The following CHAF1A variants were observed in gnomAD, a reference collection of about 807,000 sequenced individuals.
CHAF1A encodes the protein chromatin assembly factor 1 subunit A.
A neutral mutation model predicts 93.2 loss-of-function variants in CHAF1A; 5 were observed. The ratio of observed to expected loss-of-function variants is 0.05; its 90% CI spans 0.03 to 0.11. The LOEUF (loss-of-function observed/expected upper bound fraction) is 0.11. CHAF1A is among the 10% of genes least tolerant of loss of function. The pLI is 1.00. For missense variants in CHAF1A, 1,102 were observed against 1,259.9 expected (o/e 0.87, Z 1.90); for synonymous variants, 504 against 510.3 (o/e 0.99, Z 0.17).
Position 4,429,713 on chromosome 19 carries a change from C to T in CHAF1A, c.1779C>T (p.Leu593=). ...ARDPWAQDTK[L]LDYEVDSDEE... The stretch of plus-strand genomic sequence containing the variant: ...CCATGTGTTTCTTTTCTCAGAAGCT[C>T]CTGGACTATGAGGTGGACAGTGATG... Residue 593 remains leucine (L), a synonymous_variant, in exon 10 of 15, where the codon CTC becomes CTT. Transcript: ENST00000301280. 10 of 1,614,028 alleles carry T rather than the reference C, an allele frequency of 6.2e-6. No homozygotes were observed. The highest frequency in any genetic ancestry group is 8.5e-6 in the Non-Finnish European group (10 of 1,179,990).
At chr19:4,425,065 G>T (rs1244012010) in intron 7 of CHAF1A, among the ~76,000 whole-genome samples, 2 of 152,102 alleles carry the variant, frequency 1.3e-5, no homozygotes, top group Admixed American at 1.3e-4. Flanking sequence ...GTGAGTCCCT[G>T]CACCTGGCCT....
chr19:4,418,030 A>C lies in CHAF1A; in HGVS notation c.971A>C (p.Lys324Thr). ...TSTPLRRITK[K>T]FVKGSTEKNK... is the part of the protein sequence containing the mutation. The stretch of plus-strand genomic sequence containing the variant: ...GTCTTCTGTTTTCAGATAACTAAGA[A>C]ATTCGTCAAAGGCTCTACAGAGAAG... Residue 324 changes from lysine to threonine, a missense_variant, in exon 4 of 15, where the codon AAA becomes ACA. Physicochemically the swap from Lys to Thr is moderately conservative, Grantham distance 78. This residue lies in a region of CHAF1A where 379 missense variants were observed against 365.7 expected (regional missense o/e 1.04). Transcript: ENST00000301280. 4 of 1,603,340 alleles carry C rather than the reference A, an allele frequency of 2.5e-6. No individual in the cohort carries two copies. The highest frequency in any genetic ancestry group is 3.4e-6 in the Non-Finnish European group (4 of 1,175,428).
chr19:4,446,981 C>G, downstream of CHAF1A: 1 of 1,533,088 alleles, frequency 6.5e-7, no homozygotes, highest in Non-Finnish European at 9.0e-7. Context: ...TGGCCACACC[C>G]CACCCAGTCC....
At chr19:4,420,531 G>A (rs996566310) in intron 4 of CHAF1A, among the ~76,000 whole-genome samples, 2 of 152,132 alleles carry the variant, frequency 1.3e-5, no homozygotes, top group Admixed American at 6.5e-5. Flanking sequence ...GTGGGAGCCT[G>A]CGCCTGGCTG....
At chr19:4,445,932 C>T, downstream of CHAF1A, 2 of 1,470,830 alleles carry the variant, frequency 1.4e-6, no homozygotes, top group Non-Finnish European at 1.8e-6. Context: ...ACCCAGGGAC[C>T]TGCCCAGGCC....
chr19:4,417,240 G>A (rs542664242), intron 3 of CHAF1A, among the ~76,000 whole-genome samples: 5 of 152,046 alleles, frequency 3.3e-5, no homozygotes, highest in Admixed American at 2.0e-4. Context: ...CAAAGTGCTG[G>A]GATTACAGGC....
At position 4,442,231 on chromosome 19, in the gene CHAF1A, C is replaced by T. The variant is rs1568184942; in HGVS notation, c.2674-14C>T. ...TGCCTGCAGTGCTGATGGCCGTGTA[C>T]CCTGTCTGTCCAGATTGGTGCTGAA... On this transcript the variant is annotated splice_polypyrimidine_tract_variant and intron_variant, in intron 13 of 14. Transcript: ENST00000301280. 1.2e-6 allele frequency: 2 copies of T among 1,612,560 alleles called. No homozygotes were observed. The highest frequency in any genetic ancestry group is 1.7e-6 in the Non-Finnish European group (2 of 1,178,834).
At chr19:4,442,401 AACAG>A in intron 14 of CHAF1A, 60 bp downstream of exon 14, 1 of 1,363,894 alleles carries the variant, frequency 7.3e-7, no homozygotes, top group East Asian at 2.5e-5. Flanking sequence ...GGTAAACCTC[AACAG>A]AGAAGGGATG....
At position 4,443,194 on chromosome 19, in the gene CHAF1A, A is replaced by G. The variant is rs1174229328; in HGVS notation, c.*169A>G. The G allele has an allele frequency of 7.8e-6, 5 of 642,388 alleles. No homozygotes were observed. Among genetic ancestry groups the G allele is most frequent in the Non-Finnish European group, 1.4e-5 (5 of 350,048 alleles). The allele number at this position is 642,388 out of a possible 1,614,324, so 39.8% of individuals were successfully genotyped here. ...ATTAGTTCCTTTGATATTTGTAAAA[A>G]TTCCCCCAAGAGCCGCATATGAATC... On this transcript the variant is annotated 3_prime_UTR_variant, in exon 15 of 15. Transcript: ENST00000301280.
chr19:4,443,693 G>A (rs141351837), downstream of CHAF1A, among the ~76,000 whole-genome samples: 2,852 of 152,306 alleles, frequency 0.019, 35 homozygotes, highest in Middle Eastern at 0.024. Context: ...GCTGGGAGCC[G>A]AGTTTGGCTT....
At chr19:4,432,252 G>T (rs1300050651) in intron 12 of CHAF1A, 45 bp downstream of exon 12, 1 of 1,550,276 alleles carries the variant, frequency 6.5e-7, no homozygotes, top group East Asian at 2.3e-5. Flanking sequence ...CCTGGGCCCA[G>T]CTAATTCCAG....
At chr19:4,449,783 G>T (rs977889224), downstream of CHAF1A, 1 of 152,130 alleles carries the variant, frequency 6.6e-6, no homozygotes, top group African/African-American at 2.4e-5. Context: ...AAAGACAGGT[G>T]CTCTCGACAG....
chr19:4,419,637 G>A lies in CHAF1A; in HGVS notation c.1017+1561G>A, dbSNP rs954445699. ...GTAGAGACAGGGTTTCGCTATGTTT[G>A]TCAGGCTGGTCTCAAACTCCTGACT... On this transcript the variant is annotated intron_variant, in intron 4 of 14. Coordinates refer to ENST00000301280, the MANE Select transcript of CHAF1A (RefSeq NM_005483.3). Among the ~76,000 whole-genome samples, 7 of 151,920 alleles carry A rather than the reference G, an allele frequency of 4.6e-5. No individual in the cohort carries two copies. The South Asian group carries it at 8.3e-4, about 18-fold the overall frequency.
chr19:4,446,778 C>T, downstream of CHAF1A: 1 of 1,613,226 alleles, frequency 6.2e-7, no homozygotes, highest in Non-Finnish European at 8.5e-7. Context: ...AAGCCGGGCC[C>T]TCCTGCCCCG....
downstream of CHAF1A, chr19:4,448,201 T>A (rs1974578623): frequency 1.1e-6 from 1 of 949,608 alleles, no homozygotes; most frequent in Non-Finnish European, 1.6e-6. Context: ...CGGCCTATGC[T>A]CCTTCCCAAC....
downstream of CHAF1A, chr19:4,448,523 A>C: frequency 2.3e-6 from 2 of 876,892 alleles, no homozygotes; most frequent in Non-Finnish European, 3.6e-6. Flanking sequence ...AGCGGCTTGG[A>C]GCGGCCCCAG....
chr19:4,408,868 C>T (rs372419158), intron 2 of CHAF1A, 35 bp from the exon 3 acceptor site: 51 of 1,558,630 alleles, frequency 3.3e-5, no homozygotes, highest in East Asian at 4.5e-5. Flanking sequence ...TAACTTTAAA[C>T]GTTCACTAGA....
chr19:4,434,747 C>T (rs1471020952), intron 13 of CHAF1A, among the ~76,000 whole-genome samples: 1 of 152,126 alleles, frequency 6.6e-6, no homozygotes, highest in South Asian at 2.1e-4. Context: ...CATTCAAGCA[C>T]AGTTATTAAG....
At chr19:4,442,181 AC>A in intron 13 of CHAF1A, 63 bp from the exon 14 acceptor site, 1 of 1,364,306 alleles carries the variant, frequency 7.3e-7, no homozygotes, top group Admixed American at 1.7e-5. Context: ...TCCCCCCGCT[AC>A]CGCACTGGCA....
Sources: gnomAD v4.1 joint callset for allele counts (sites outside exome capture counted in the v4.1 genomes callset) on GRCh38, gnomAD v4.1.1 for gene constraint, gnomAD v4.1.1 regional missense constraint, MANE v1.5 for transcripts, NCBI Gene and HGNC (gene_info 2026-07-23, HGNC 2026-07-21) for gene names.